The following TENM2 variants were observed in gnomAD, a reference collection of about 807,000 sequenced individuals.
The protein encoded by TENM2 is teneurin transmembrane protein 2, also known as teneurin-2.
A neutral mutation model predicts 245.2 loss-of-function variants in TENM2; 52 were observed. That is an observed-to-expected ratio of 0.21 (90% CI 0.17 to 0.27). The LOEUF (loss-of-function observed/expected upper bound fraction) is 0.27, where lower values mean the gene tolerates loss of function less well. TENM2 is among the 10% of genes least tolerant of loss of function. The probability of loss-of-function intolerance (pLI) is 1.00; values close to 1 mark genes in which losing one functional copy is unlikely to be tolerated. For synonymous variants in TENM2, 1,363 were observed against 1,438.9 expected, an observed-to-expected ratio of 0.95 and a Z score of 1.19; for missense variants, 3,046 against 3,666.8, an observed-to-expected ratio of 0.83 and a Z score of 4.37.
At chr5:167,335,220 C>G (rs766851934) in intron 1 of TENM2, among the ~76,000 whole-genome samples, 13 of 152,080 alleles carry the variant, frequency 8.5e-5, no homozygotes, top group Non-Finnish European at 1.3e-4. Flanking sequence ...AAAGCAGGAG[C>G]AAAGAGAGGG....
At chr5:167,163,815 G>A in the TENM2 span, among the ~76,000 whole-genome samples, 1 of 152,150 alleles carries the variant, frequency 6.6e-6, no homozygotes, top group Non-Finnish European at 1.5e-5. Context: ...AAAAAACAAA[G>A]GTATTTTGAA....
At chr5:167,650,724 A>G (rs2150286608) in intron 2 of TENM2, among the ~76,000 whole-genome samples, 1 of 152,298 alleles carries the variant, frequency 6.6e-6, no homozygotes, top group South Asian at 2.1e-4. Context: ...TTTTACTGTG[A>G]ATATACAAGT....
At chr5:167,050,918 A>C in the TENM2 span, among the ~76,000 whole-genome samples, 1 of 152,146 alleles carries the variant, frequency 6.6e-6, no homozygotes, top group Non-Finnish European at 1.5e-5. Flanking sequence ...AGTTCTGGCA[A>C]AAGTTTGTCA....
At chr5:168,162,512 G>A in intron 12 of TENM2, 99 bp from the exon 15 acceptor site, 2 of 1,347,770 alleles carry the variant, frequency 1.5e-6, no homozygotes, top group Non-Finnish European at 1.0e-6. Context: ...GGCTGGCCCA[G>A]CGGCTGCCCT....
At chr5:167,054,585 T>G in the TENM2 span, among the ~76,000 whole-genome samples, 1 of 152,102 alleles carries the variant, frequency 6.6e-6, no homozygotes, top group African/African-American at 2.4e-5. Context: ...AAAAGTATAT[T>G]TAGTTATGAG....
At chr5:167,262,773 G>A in the TENM2 span, among the ~76,000 whole-genome samples, 16,470 of 152,058 alleles carry the variant, frequency 0.11, 1,026 homozygotes, top group East Asian at 0.18. Context: ...ATCTAGTTAT[G>A]TAAATTTTGA....
chr5:168,104,008 GTTT>G lies in TENM2; in HGVS notation c.1813+5882_1813+5884del, dbSNP rs1794039462. Among the ~76,000 whole-genome samples the G allele has an allele frequency of 1.2e-4, 8 of 69,514 alleles. No individual in the cohort carries two copies. The Admixed American group carries it at 1.5e-3, about 13-fold the overall frequency. 45.6% of individuals were successfully genotyped at this position (69,514 alleles called of 152,430 possible). ...GGTGTCCTTCTTTCTTTTCTGGTTTGTTTGTTTGTTTGTTTGTTTGTTTGTTTG... is the reference window on the plus strand; with the variant it reads ...GGTGTCCTTCTTTCTTTTCTGGTTTGGTTTGTTTGTTTGTTTGTTTGTTTG... On this transcript the variant is annotated intron_variant, in intron 9 of 28. Coordinates refer to ENST00000518659, the Ensembl canonical transcript of TENM2.
chr5:167,420,600 G>T (rs1274013392), intron 2 of TENM2, among the ~76,000 whole-genome samples: 1 of 152,088 alleles, frequency 6.6e-6, no homozygotes, highest in African/African-American at 2.4e-5. Flanking sequence ...TCTGCCTCAG[G>T]TATCTTCATG....
At chr5:167,988,347 C>T (rs996034859) in intron 4 of TENM2, among the ~76,000 whole-genome samples, 4 of 152,110 alleles carry the variant, frequency 2.6e-5, no homozygotes, top group African/African-American at 9.7e-5. Flanking sequence ...CAGGATGCGG[C>T]GTGAACAAAA....
At chr5:168,199,443 C>T (rs960080572) in intron 16 of TENM2, among the ~76,000 whole-genome samples, 2 of 152,182 alleles carry the variant, frequency 1.3e-5, no homozygotes, top group South Asian at 2.1e-4. Flanking sequence ...TGATCTACAT[C>T]GGTGTTACGA....
chr5:167,354,249 A>G (rs896471339), intron 1 of TENM2, among the ~76,000 whole-genome samples: 1 of 152,226 alleles, frequency 6.6e-6, no homozygotes, highest in Non-Finnish European at 1.5e-5. Context: ...GGGCCACTCA[A>G]TTCTCTACTT....
chr5:168,060,961 G>A (rs547973643), intron 6 of TENM2, among the ~76,000 whole-genome samples: 1 of 152,234 alleles, frequency 6.6e-6, no homozygotes, highest in African/African-American at 2.4e-5. Context: ...AGAAGAGTTA[G>A]TCCTTCACAG....
chr5:168,210,151 C>A (rs1185329236), intron 19 of TENM2, among the ~76,000 whole-genome samples: 2 of 152,142 alleles, frequency 1.3e-5, no homozygotes, highest in Admixed American at 6.5e-5. Context: ...TGCTGTTATT[C>A]TGGTTTGTTG....
intron 2 of TENM2, among the ~76,000 whole-genome samples, chr5:167,861,300 A>C (rs559689344): frequency 3.3e-4 from 51 of 152,290 alleles, no homozygotes; most frequent in Middle Eastern, 6.8e-3. Flanking sequence ...TTCCTAGTGC[A>C]CGATAATGTT....
At chr5:167,347,712 CCCTTCTTT>C (rs923419587) in intron 1 of TENM2, among the ~76,000 whole-genome samples, 3 of 152,048 alleles carry the variant, frequency 2.0e-5, no homozygotes, top group African/African-American at 7.2e-5. Flanking sequence ...CTCCCTTCTT[CCCTTCTTT>C]CCTTTTTTCT....
At chr5:168,004,517 G>GCGCACACACACACACA (rs898616203) in intron 5 of TENM2, among the ~76,000 whole-genome samples, 1 of 132,152 alleles carries the variant, frequency 7.6e-6, no homozygotes, top group Non-Finnish European at 1.6e-5. Flanking sequence ...GCGCGCGCGC[G>GCGCACACACACACACA]CACACACACA....
intron 2 of TENM2, among the ~76,000 whole-genome samples, chr5:167,484,237 C>T (rs529420581): frequency 1.3e-5 from 2 of 152,046 alleles, no homozygotes; most frequent in Non-Finnish European, 2.9e-5. Flanking sequence ...CCTAGCTACT[C>T]GGGAGGCTGA....
chr5:167,750,149 C>T (rs1235319607), intron 2 of TENM2, among the ~76,000 whole-genome samples: 1 of 152,084 alleles, frequency 6.6e-6, no homozygotes, highest in Non-Finnish European at 1.5e-5. Flanking sequence ...AGCCAAACGA[C>T]GCTTTGGATT....
chr5:167,698,396 C>G (rs1757910104), intron 2 of TENM2, among the ~76,000 whole-genome samples: 1 of 152,188 alleles, frequency 6.6e-6, no homozygotes, highest in South Asian at 2.1e-4. Context: ...ACCATGCTGT[C>G]TGTCTCTCCA....
Sources: allele counts gnomAD v4.1 joint callset (sites outside exome capture counted in the v4.1 genomes callset), GRCh38; gene constraint gnomAD v4.1.1; transcripts MANE v1.5; gene names NCBI Gene and HGNC (gene_info 2026-07-23, HGNC 2026-07-21).